Variants in CTNNA2 observed in about 807,000 individuals in gnomAD.
CTNNA2 encodes the protein catenin alpha-2.
A neutral mutation model predicts 101.0 loss-of-function variants in CTNNA2; 42 were observed. That is an observed-to-expected ratio of 0.42 (90% CI 0.32 to 0.54). The LOEUF (loss-of-function observed/expected upper bound fraction) is 0.54, where lower values mean the gene tolerates loss of function less well. Ranked by LOEUF, CTNNA2 falls within the 20% of genes least tolerant of loss-of-function variation. The pLI, the probability that CTNNA2 is intolerant of heterozygous loss-of-function variation, is 0.14. For synonymous variants in CTNNA2, 450 were observed against 456.4 expected (o/e 0.99, Z 0.18); for missense variants, 871 against 1,223.1 (o/e 0.71, Z 4.29).
At chr2:80,410,759 G>T (rs900435022) in intron 8 of CTNNA2, among the ~76,000 whole-genome samples, 4 of 152,184 alleles carry the variant, frequency 2.6e-5, no homozygotes, top group African/African-American at 9.7e-5. Context: ...ATGAGCTAAT[G>T]AAGGCAGTAT....
chr2:80,149,831 T>A (rs1250995586), intron 7 of CTNNA2, among the ~76,000 whole-genome samples: 2 of 150,726 alleles, frequency 1.3e-5, no homozygotes, highest in African/African-American at 4.9e-5. Flanking sequence ...ATTCACTTTC[T>A]GAAAGTTTAT....
intron 4 of CTNNA2, among the ~76,000 whole-genome samples, chr2:79,465,722 A>G (rs538205942): frequency 2.6e-5 from 4 of 151,990 alleles, no homozygotes; most frequent in Non-Finnish European, 2.9e-5. Flanking sequence ...GGATTCCTAG[A>G]TATTTTATTC....
intron 2 of CTNNA2, among the ~76,000 whole-genome samples, chr2:79,737,075 C>A (rs1292798043): frequency 3.3e-5 from 5 of 152,138 alleles, no homozygotes; most frequent in Admixed American, 2.6e-4. Context: ...CTGCCGGGTG[C>A]GGTGGCTCAT....
chr2:80,211,937 C>T (rs979908726), intron 7 of CTNNA2, among the ~76,000 whole-genome samples: 3 of 152,066 alleles, frequency 2.0e-5, no homozygotes, highest in Non-Finnish European at 2.9e-5. Context: ...CTTCATATCC[C>T]TTGTAAGTTG....
intron 4 of CTNNA2, among the ~76,000 whole-genome samples, chr2:79,374,636 C>A (rs1161686605): frequency 1.3e-5 from 2 of 151,820 alleles, no homozygotes; most frequent in Non-Finnish European, 2.9e-5. Flanking sequence ...TATCTTTTTT[C>A]TGTGTCTTCA....
chr2:79,447,409 G>A (rs949357285), intron 4 of CTNNA2, among the ~76,000 whole-genome samples: 3 of 151,924 alleles, frequency 2.0e-5, no homozygotes, highest in African/African-American at 7.3e-5. Context: ...ACACAACTTT[G>A]GAAATGATAT....
chr2:80,372,824 T>A (rs1299771285), intron 7 of CTNNA2, among the ~76,000 whole-genome samples: 1 of 152,156 alleles, frequency 6.6e-6, no homozygotes, highest in Non-Finnish European at 1.5e-5. Flanking sequence ...GTGGGAAAAT[T>A]TTGCTCCCCC....
chr2:79,823,281 A>G (rs1184473365), intron 3 of CTNNA2, among the ~76,000 whole-genome samples: 1 of 152,208 alleles, frequency 6.6e-6, no homozygotes, highest in Non-Finnish European at 1.5e-5. Context: ...ATTGTAGGAT[A>G]TTTGTGAATA....
chr2:79,695,846 C>A (rs755164908), intron 2 of CTNNA2, among the ~76,000 whole-genome samples: 1 of 151,976 alleles, frequency 6.6e-6, no homozygotes, highest in Admixed American at 6.6e-5. Context: ...CTATGGGGTC[C>A]CCTACCAAGA....
intron 7 of CTNNA2, among the ~76,000 whole-genome samples, chr2:80,033,972 TAAAAAA>T (rs70940069): frequency 1.2e-5 from 1 of 84,246 alleles, no homozygotes; most frequent in African/African-American, 5.0e-5. Flanking sequence ...GCTTATAATG[TAAAAAA>T]AAAAAAAAAA....
At chr2:80,614,609 G>C (rs1486337278) in intron 17 of CTNNA2, among the ~76,000 whole-genome samples, 3 of 151,304 alleles carry the variant, frequency 2.0e-5, no homozygotes, top group African/African-American at 7.3e-5. Context: ...TTCCCCATAA[G>C]ACATATCCTA....
intron 1 of CTNNA2, among the ~76,000 whole-genome samples, chr2:79,588,841 G>A (rs565752825): frequency 4.6e-5 from 7 of 152,198 alleles, no homozygotes; most frequent in East Asian, 1.9e-4. Flanking sequence ...GATAAGCACC[G>A]TATAGAAAGT....
At position 79,869,900 on chromosome 2, in the gene CTNNA2, G is replaced by A; in HGVS notation, c.550G>A (p.Val184Met). The part of the protein sequence containing the change: ...NRFKEFGKEM[V>M]KLNYVAARRQ... ...TTTTAAAGAGTTTGGGAAAGAGATG[G>A]TGAAACTTAACTATGTAGCAGCAAG... is the stretch of plus-strand genomic sequence containing the variant. The change falls in exon 5 of 19, where the codon GTG becomes ATG. Residue 184 changes from valine to methionine, a missense_variant. Physicochemically the swap from Val to Met is conservative, Grantham distance 21. This residue lies in a region of CTNNA2 where 647 missense variants were observed against 831.5 expected (regional missense o/e 0.78). Coordinates refer to ENST00000402739, the MANE Select transcript of CTNNA2 (RefSeq NM_001282597.3). 6.2e-7 allele frequency: 1 copy of A among 1,614,106 alleles called. No individual in the cohort carries two copies. Among genetic ancestry groups the A allele is most frequent in the Non-Finnish European group, 8.5e-7 (1 of 1,180,006 alleles).
At chr2:79,780,324 T>C (rs1379456121) in intron 3 of CTNNA2, among the ~76,000 whole-genome samples, 1 of 152,206 alleles carries the variant, frequency 6.6e-6, no homozygotes, top group Non-Finnish European at 1.5e-5. Flanking sequence ...CAGTCATATC[T>C]GGCTCAGAAT....
At position 80,419,616 on chromosome 2, in the gene CTNNA2, G is replaced by C. The variant is rs753061812; in HGVS notation, c.1290+15G>C. 1 of 1,612,776 alleles carries C rather than the reference G, an allele frequency of 6.2e-7. No homozygotes were observed. The highest frequency in any genetic ancestry group is 1.7e-5 in the Admixed American group (1 of 59,946). On this transcript the variant is annotated intron_variant, in intron 9 of 18. Transcript: ENST00000402739. ...AACTGGTAGAGGTAAGTGTGGAGGG[G>C]CCTGAAGACTAGAGTTTACCGATGG... is the stretch of plus-strand genomic sequence containing the variant.
intron 4 of CTNNA2, among the ~76,000 whole-genome samples, chr2:79,451,303 G>T (rs1390777353): frequency 6.6e-6 from 1 of 152,086 alleles, no homozygotes; most frequent in African/African-American, 2.4e-5. Context: ...TGCAGATTCT[G>T]CTAGTTTCAA....
Position 80,157,236 on chromosome 2 carries a change from T to C in CTNNA2, c.1057-235975T>C, listed in dbSNP as rs1008171558. On this transcript the variant is annotated intron_variant, in intron 7 of 18. Coordinates refer to ENST00000402739, the MANE Select transcript of CTNNA2 (RefSeq NM_001282597.3). ...AGGCAAAAATGCATTTAATAAAGAC[T>C]ACAGTTTCCAAAAATGCTCCTACCT... 3.3e-5 allele frequency among the ~76,000 whole-genome samples: 5 copies of C among 152,166 alleles called. No individual in the cohort carries two copies. In the East Asian group the frequency reaches 5.8e-4, roughly 18 times the overall value.
At chr2:79,321,314 G>T (rs72818632) in intron 3 of CTNNA2, among the ~76,000 whole-genome samples, 1 of 152,054 alleles carries the variant, frequency 6.6e-6, no homozygotes, top group African/African-American at 2.4e-5. Flanking sequence ...CACCTCTTAC[G>T]TAGGGCATTG....
At chr2:80,409,648 A>G (rs923198363) in intron 8 of CTNNA2, among the ~76,000 whole-genome samples, 1 of 152,212 alleles carries the variant, frequency 6.6e-6, no homozygotes, top group African/African-American at 2.4e-5. Context: ...ACAGTTTAGT[A>G]AAGTAAGTAA....
Sources: gnomAD v4.1 joint callset for allele counts (sites outside exome capture counted in the v4.1 genomes callset) on GRCh38, gnomAD v4.1.1 for gene constraint, gnomAD v4.1.1 regional missense constraint, MANE v1.5 for transcripts, NCBI Gene and HGNC (gene_info 2026-07-23, HGNC 2026-07-21) for gene names.